The following SUGCT variants were observed in gnomAD, a reference collection of about 807,000 sequenced individuals.
SUGCT encodes the protein succinyl-CoA:glutarate-CoA transferase.
Under a neutral mutation model 55.0 loss-of-function variants are expected in SUGCT, and 41 were observed. The observed-to-expected ratio is 0.74, with a 90% CI of 0.58 to 0.97. SUGCT has a LOEUF of 0.97. SUGCT is among the 50% of genes least tolerant of loss of function. SUGCT has a pLI of 0.00. For synonymous variants in SUGCT, 187 were observed against 200.4 expected, an observed-to-expected ratio of 0.93 and a Z score of 0.56; for missense variants, 568 against 547.8, an observed-to-expected ratio of 1.04 and a Z score of -0.37.
At chr7:40,376,771 T>C (rs983995114) in intron 9 of SUGCT, among the ~76,000 whole-genome samples, 3 of 151,392 alleles carry the variant, frequency 2.0e-5, no homozygotes, top group African/African-American at 7.3e-5. Context: ...AGTTGCATAC[T>C]ACTCTATTGA....
intron 8 of SUGCT, among the ~76,000 whole-genome samples, chr7:40,283,012 A>T (rs1793071902): frequency 1.3e-5 from 2 of 152,182 alleles, no homozygotes; most frequent in Non-Finnish European, 2.9e-5. Flanking sequence ...AGCACAGGCA[A>T]TGAAAGCAAA....
At chr7:40,895,924 C>T in the SUGCT span, among the ~76,000 whole-genome samples, 1 of 152,100 alleles carries the variant, frequency 6.6e-6, no homozygotes, top group Admixed American at 6.5e-5. Context: ...GAAAACTTTT[C>T]CCCTAGGATT....
chr7:40,562,747 C>A (rs118002219), intron 12 of SUGCT, among the ~76,000 whole-genome samples: 6 of 152,014 alleles, frequency 3.9e-5, no homozygotes, highest in Non-Finnish European at 5.9e-5. Flanking sequence ...ACCAATTTCA[C>A]GCTAAGGAAA....
the SUGCT span, among the ~76,000 whole-genome samples, chr7:40,983,547 A>G: frequency 6.6e-6 from 1 of 152,176 alleles, no homozygotes; most frequent in Admixed American, 6.5e-5. Context: ...GAGACTGGAC[A>G]TTCTAGGCTT....
At chr7:40,996,573 G>A in the SUGCT span, among the ~76,000 whole-genome samples, 1 of 152,164 alleles carries the variant, frequency 6.6e-6, no homozygotes, top group Non-Finnish European at 1.5e-5. Flanking sequence ...GGGAATTGGT[G>A]GGGACCAGGG....
the SUGCT span, among the ~76,000 whole-genome samples, chr7:40,899,000 G>A: frequency 6.6e-6 from 1 of 152,118 alleles, no homozygotes; most frequent in Non-Finnish European, 1.5e-5. Flanking sequence ...GGGGTCTACA[G>A]CCACGTCCGG....
intron 7 of SUGCT, among the ~76,000 whole-genome samples, chr7:40,238,159 A>C (rs1789133778): frequency 6.6e-6 from 1 of 152,216 alleles, no homozygotes; most frequent in African/African-American, 2.4e-5. Flanking sequence ...CCATGTGTAC[A>C]TAGCAGAGGG....
chr7:40,653,004 C>A (rs1021584757), intron 12 of SUGCT, among the ~76,000 whole-genome samples: 13 of 152,194 alleles, frequency 8.5e-5, no homozygotes, highest in Admixed American at 8.5e-4. Context: ...CCTTTCCTCC[C>A]AGTTTGTCTT....
intron 1 of SUGCT, among the ~76,000 whole-genome samples, chr7:40,137,012 G>GA (rs200146837): frequency 1.1e-4 from 16 of 146,238 alleles, no homozygotes; most frequent in South Asian, 6.5e-4. Flanking sequence ...CACCCCACTG[G>GA]AAAAAAAAAA....
chr7:40,908,307 T>C, the SUGCT span, among the ~76,000 whole-genome samples: 1 of 144,382 alleles, frequency 6.9e-6, no homozygotes, highest in African/African-American at 2.6e-5. Context: ...GGTGTGAACC[T>C]GGGAGGTGGA....
chr7:40,577,217 G>A (rs1796814656), intron 12 of SUGCT, among the ~76,000 whole-genome samples: 1 of 152,174 alleles, frequency 6.6e-6, no homozygotes, highest in South Asian at 2.1e-4. Context: ...AATACAGGAA[G>A]CACCTGTAAG....
chr7:40,555,814 A>G lies in SUGCT; in HGVS notation c.1089+59428A>G, dbSNP rs1250280322. On this transcript the variant is annotated intron_variant, in intron 12 of 13. Coordinates refer to ENST00000335693, the MANE Select transcript of SUGCT (RefSeq NM_001193313.2). ...TCTCGGTGTGGCTGCTCATGTTTGA[A>G]TGGTCTTGTAGGCTTTCCCCAAGTC... Among the ~76,000 whole-genome samples, 3 of 152,118 alleles carry G rather than the reference A, an allele frequency of 2.0e-5. No homozygotes were observed. In the East Asian group the frequency reaches 5.8e-4, roughly 29 times the overall value.
intron 9 of SUGCT, among the ~76,000 whole-genome samples, chr7:40,326,212 G>C (rs1209558120): frequency 6.6e-6 from 1 of 152,068 alleles, no homozygotes; most frequent in African/African-American, 2.4e-5. Flanking sequence ...GATTTCAAGG[G>C]ACTCAAAGGC....
At chr7:40,930,260 G>A in the SUGCT span, among the ~76,000 whole-genome samples, 40 of 152,262 alleles carry the variant, frequency 2.6e-4, 2 homozygotes, top group South Asian at 8.1e-3. Context: ...TGAGGCCTCT[G>A]TTCTGTTCCA....
chr7:40,889,395 A>C, the SUGCT span, among the ~76,000 whole-genome samples: 1 of 152,168 alleles, frequency 6.6e-6, no homozygotes, highest in African/African-American at 2.4e-5. Context: ...GTCTCAGAGT[A>C]CTGTTAACTT....
chr7:40,390,447 C>CA (rs1460199398), intron 9 of SUGCT, among the ~76,000 whole-genome samples: 1 of 152,178 alleles, frequency 6.6e-6, no homozygotes, highest in African/African-American at 2.4e-5. Context: ...TCTCAGGATA[C>CA]AAAATCAATG....
chr7:40,350,264 C>T (rs1394019860), intron 9 of SUGCT, among the ~76,000 whole-genome samples: 1 of 149,216 alleles, frequency 6.7e-6, no homozygotes, highest in Non-Finnish European at 1.5e-5. Flanking sequence ...GTGAATCATA[C>T]TCATTACTAT....
the SUGCT span, among the ~76,000 whole-genome samples, chr7:40,905,261 G>A: frequency 6.6e-6 from 1 of 152,116 alleles, no homozygotes; most frequent in Non-Finnish European, 1.5e-5. Flanking sequence ...GTGAGAAGAC[G>A]ATTCTGAACA....
At chr7:40,731,992 A>T (rs1786910581) in intron 12 of SUGCT, among the ~76,000 whole-genome samples, 1 of 152,144 alleles carries the variant, frequency 6.6e-6, no homozygotes, top group Admixed American at 6.5e-5. Context: ...GCTCCTGATA[A>T]TCTATGAGGA....
Sources: gnomAD v4.1 joint callset for allele counts (sites outside exome capture counted in the v4.1 genomes callset) on GRCh38, gnomAD v4.1.1 for gene constraint, MANE v1.5 for transcripts, NCBI Gene and HGNC (gene_info 2026-07-23, HGNC 2026-07-21) for gene names.